The following ATOSA variants were observed in gnomAD, a reference collection of about 807,000 sequenced individuals.
The protein encoded by ATOSA is atos homolog protein A.
At chr15:52,633,311 T>A in the ATOSA span, among the ~76,000 whole-genome samples, 2 of 152,180 alleles carry the variant, frequency 1.3e-5, no homozygotes, top group African/African-American at 4.8e-5. Flanking sequence ...GAGTAACAGA[T>A]CTAATTTATT....
chr15:52,636,662 G>C, the ATOSA span, among the ~76,000 whole-genome samples: 1 of 152,170 alleles, frequency 6.6e-6, no homozygotes. Context: ...TGTGGTTTAA[G>C]TCACCCAGTC....
At chr15:52,597,165 G>GTTCTGTTCTA in the ATOSA span, among the ~76,000 whole-genome samples, 376 of 24,350 alleles carry the variant, frequency 0.015, no homozygotes, top group East Asian at 0.12. Flanking sequence ...GTTCTGTTCT[G>GTTCTGTTCTA]TTCTATTCTA....
At chr15:52,673,511 T>C in the ATOSA span, among the ~76,000 whole-genome samples, 1 of 152,254 alleles carries the variant, frequency 6.6e-6, no homozygotes, top group African/African-American at 2.4e-5. Flanking sequence ...ATAGCATCTA[T>C]TTCCTTGAGT....
chr15:52,691,262 C>A, the ATOSA span, among the ~76,000 whole-genome samples: 1 of 152,112 alleles, frequency 6.6e-6, no homozygotes, highest in South Asian at 2.1e-4. Flanking sequence ...CCCTAAACAC[C>A]TGAACTTCTA....
the ATOSA span, chr15:52,608,423 T>C: frequency 3.0e-6 from 2 of 676,402 alleles, no homozygotes; most frequent in Non-Finnish European, 2.3e-6. Flanking sequence ...ATGTTAATAC[T>C]AGTTCTGTAG....
chr15:52,708,074 A>G, the ATOSA span, among the ~76,000 whole-genome samples: 1 of 152,302 alleles, frequency 6.6e-6, no homozygotes, highest in South Asian at 2.1e-4. Context: ...TACCCGGGGA[A>G]AACTGCACTG....
the ATOSA span, chr15:52,658,475 T>C: frequency 2.8e-6 from 1 of 355,640 alleles, no homozygotes; most frequent in Non-Finnish European, 5.0e-6. Context: ...TTCACCATTT[T>C]AGACCAGCAA....
At chr15:52,609,922 G>C in the ATOSA span, 2 of 1,610,618 alleles carry the variant, frequency 1.2e-6, no homozygotes, top group African/African-American at 2.7e-5. Context: ...TCTCACTGAT[G>C]TTTCTTGTGA....
chr15:52,693,701 C>G, the ATOSA span, among the ~76,000 whole-genome samples: 5 of 152,268 alleles, frequency 3.3e-5, no homozygotes, highest in African/African-American at 1.2e-4. Context: ...TCCATAAAGT[C>G]AATGCAATCT....
At chr15:52,614,298 G>C in the ATOSA span, among the ~76,000 whole-genome samples, 1 of 151,328 alleles carries the variant, frequency 6.6e-6, no homozygotes, top group Non-Finnish European at 1.5e-5. Context: ...TAGAGAAGGG[G>C]TTTTGCCATG....
chr15:52,679,717 A>T, the ATOSA span, among the ~76,000 whole-genome samples: 1 of 150,074 alleles, frequency 6.7e-6, no homozygotes, highest in Non-Finnish European at 1.5e-5. Context: ...TGTCATCCAA[A>T]GGCCTGCCCC....
At chr15:52,619,056 C>A in the ATOSA span, among the ~76,000 whole-genome samples, 1 of 152,090 alleles carries the variant, frequency 6.6e-6, no homozygotes, top group African/African-American at 2.4e-5. Context: ...ACCAATGTAA[C>A]TATTACATAA....
chr15:52,656,549 G>A, the ATOSA span: 2 of 152,008 alleles, frequency 1.3e-5, no homozygotes, highest in Non-Finnish European at 2.9e-5. Flanking sequence ...AAAGATTTTG[G>A]GTTATGATGA....
the ATOSA span, among the ~76,000 whole-genome samples, chr15:52,651,650 T>C: frequency 2.7e-4 from 41 of 152,316 alleles, no homozygotes; most frequent in African/African-American, 9.9e-4. Context: ...ATTGTTCAGT[T>C]CAGCATTTTA....
chr15:52,639,274 C>CA, the ATOSA span, among the ~76,000 whole-genome samples: 5 of 151,662 alleles, frequency 3.3e-5, no homozygotes, highest in East Asian at 1.9e-4. Flanking sequence ...GTATTACAAG[C>CA]AAAAAAAACT....
the ATOSA span, chr15:52,611,001 C>A: frequency 9.0e-7 from 1 of 1,109,006 alleles, no homozygotes; most frequent in Non-Finnish European, 1.3e-6. Flanking sequence ...TTTTGAAAAA[C>A]CTCAGTAAAT....
chr15:52,646,842 G>A, the ATOSA span, among the ~76,000 whole-genome samples: 4 of 152,124 alleles, frequency 2.6e-5, no homozygotes, highest in African/African-American at 9.7e-5. Flanking sequence ...ATATAGATGT[G>A]TTTTTCCCCC....
chr15:52,621,314 A>C, the ATOSA span, among the ~76,000 whole-genome samples: 1 of 152,266 alleles, frequency 6.6e-6, no homozygotes, highest in African/African-American at 2.4e-5. Flanking sequence ...ACAAAATATT[A>C]TCAGTCCCAT....
At chr15:52,601,327 CTTATG>C in the ATOSA span, among the ~76,000 whole-genome samples, 1,671 of 151,828 alleles carry the variant, frequency 0.011, 25 homozygotes, top group Non-Finnish European at 0.014. Context: ...ACATATTGTT[CTTATG>C]TTATTTTATT....
Sources: allele counts gnomAD v4.1 joint callset (sites outside exome capture counted in the v4.1 genomes callset), GRCh38; gene constraint gnomAD v4.1.1; transcripts MANE v1.5; gene names NCBI Gene and HGNC (gene_info 2026-07-23, HGNC 2026-07-21).